Variants in ARL17A observed in about 807,000 individuals in gnomAD.
The protein encoded by ARL17A is ADP-ribosylation factor-like 17-like.
At chr17:46,533,541 G>A (rs1160972470) in intron 4 of ARL17A, among the ~76,000 whole-genome samples, 1 of 113,218 alleles carries the variant, frequency 8.8e-6, no homozygotes, top group South Asian at 2.6e-4. Flanking sequence ...TCACTCTGTT[G>A]CCCAGGCTAG....
downstream of ARL17A, among the ~76,000 whole-genome samples, chr17:46,516,155 T>C (rs1302488109): frequency 1.3e-5 from 2 of 149,772 alleles, no homozygotes; most frequent in Non-Finnish European, 2.9e-5. Context: ...AGAAAAAAAT[T>C]AGCCAGGCAT....
At position 46,542,122 on chromosome 17, in the gene ARL17A, T is replaced by TC. The variant is rs1174737911; in HGVS notation, c.260-3697dup. ...ACCTGGGCGACAGAGTGGGACTCTG[T>TC]CTAAAAAAAAAAGTAAGAAATAAAA... On this transcript the variant is annotated intron_variant, in intron 3 of 4. Coordinates refer to the ARL17A transcript ENST00000329240. 1.6e-4 allele frequency among the ~76,000 whole-genome samples: 22 copies of TC among 140,354 alleles called. 1 individual carries two copies. The East Asian group carries it at 4.2e-3, about 26-fold the overall frequency. 92.1% of individuals were successfully genotyped at this position (140,354 alleles called of 152,430 possible). A position where few individuals can be genotyped will look rare whatever the true frequency, so the allele number is the denominator to read the frequency against.
Position 46,552,893 on chromosome 17 carries a change from A to T in ARL17A, c.*4463T>A, listed in dbSNP as rs2056927910. On this transcript the variant is annotated 3_prime_UTR_variant, in exon 4 of 4. Coordinates refer to ENST00000336125, the MANE Select transcript of ARL17A (RefSeq NM_001113738.2). ...TAGTGAGACCTTGTCTTTATTAAAA[A>T]TTAAAAAAAAAAATAGCCAGGTGTG... Among the ~76,000 whole-genome samples, 2 of 145,668 alleles carry T rather than the reference A, an allele frequency of 1.4e-5. No homozygotes were observed. Among genetic ancestry groups the T allele is most frequent in the East Asian group, 4.0e-4 (2 of 4,972 alleles).
At chr17:46,500,701 C>G in the ARL17A span, among the ~76,000 whole-genome samples, 1 of 150,960 alleles carries the variant, frequency 6.6e-6, no homozygotes, top group African/African-American at 2.5e-5. Flanking sequence ...TTGTTTTTTT[C>G]TTTTTTTTCC....
At chr17:46,551,490 CTGTG>C (rs1172287330), downstream of ARL17A, among the ~76,000 whole-genome samples, 13 of 146,022 alleles carry the variant, frequency 8.9e-5, no homozygotes, top group East Asian at 1.2e-3. Context: ...CTGCTTTTGT[CTGTG>C]TGTTTGTCCA....
At position 46,520,931 on chromosome 17, in the gene ARL17A, G is replaced by A. The variant is rs375693748; in HGVS notation, c.260-3698C>T. ...AATTAACATTTAAATATTAAAAATA[G>A]CTGAATTATATCAATATTATCATCA... On this transcript the variant is annotated intron_variant, in intron 3 of 4. Transcript: ENST00000445552. 5.0e-5 allele frequency among the ~76,000 whole-genome samples: 4 copies of A among 80,556 alleles called. 1 individual carries two copies. In the East Asian group the frequency reaches 9.7e-4, roughly 19 times the overall value. 52.8% of individuals were successfully genotyped at this position (80,556 alleles called of 152,430 possible).
the ARL17A span, among the ~76,000 whole-genome samples, chr17:46,502,293 T>C: frequency 1.3e-5 from 2 of 151,100 alleles, no homozygotes; most frequent in East Asian, 1.9e-4. Context: ...CCCACTGTTA[T>C]CTAGTTTAAG....
chr17:46,551,104 C>T (rs1348660542), downstream of ARL17A, among the ~76,000 whole-genome samples: 5 of 149,964 alleles, frequency 3.3e-5, no homozygotes, highest in East Asian at 9.7e-4. Flanking sequence ...CATACTCTAG[C>T]CCTCCTGAGC....
downstream of ARL17A, chr17:46,549,111 T>C (rs2056531480): frequency 1.9e-6 from 3 of 1,610,562 alleles, no homozygotes; most frequent in African/African-American, 4.1e-5. Flanking sequence ...TCAAAAAGAG[T>C]CCAAAGGTCA....
chr17:46,537,077 ATTTTTTTTTTTTTTTTT>A (rs766255014), intron 4 of ARL17A, among the ~76,000 whole-genome samples: 4 of 34,830 alleles, frequency 1.1e-4, no homozygotes, highest in African/African-American at 5.9e-4. Context: ...ATTGTGGTCA[ATTTTTTTTTTTTTTTTT>A]TTTTTTTTTT....
chr17:46,548,040 C>A, downstream of ARL17A: 2 of 74,620 alleles, frequency 2.7e-5, no homozygotes, highest in East Asian at 5.6e-4. Context: ...GGGCAATTGG[C>A]CTCTGGGGAT....
chr17:46,529,677 TA>T (rs1340818623), intron 4 of ARL17A, among the ~76,000 whole-genome samples: 4 of 73,128 alleles, frequency 5.5e-5, no homozygotes, highest in Non-Finnish European at 1.1e-4. Context: ...GAAACATAAA[TA>T]TAAATAAATA....
rs2057070465 is a variant in ARL17A at position 46,553,800 on chromosome 17, C to T, written c.*3556G>A. The T allele has an allele frequency of 3.6e-6, 1 of 276,334 alleles. No homozygotes were observed. Among genetic ancestry groups the T allele is most frequent in the Non-Finnish European group, 5.2e-6 (1 of 193,990 alleles). The allele number at this position is 276,334 out of a possible 1,614,324, so 17.1% of individuals were successfully genotyped here. A position where few individuals can be genotyped will look rare whatever the true frequency, so the allele number is the denominator to read the frequency against. ...CTGAGCTGGATGGAACTAACAAGGA[C>T]ACACCTGCTGTCCCCAGCCCTTTCG... On this transcript the variant is annotated 3_prime_UTR_variant, in exon 4 of 4. Transcript: ENST00000336125.
chr17:46,535,010 T>G (rs998037201), intron 4 of ARL17A, among the ~76,000 whole-genome samples: 2 of 149,524 alleles, frequency 1.3e-5, no homozygotes, highest in African/African-American at 5.1e-5. Context: ...CCAGACAGGG[T>G]CGCGGCCGGG....
At chr17:46,500,485 C>T in the ARL17A span, among the ~76,000 whole-genome samples, 4 of 149,662 alleles carry the variant, frequency 2.7e-5, no homozygotes, top group Admixed American at 2.7e-4. Flanking sequence ...AAACAATTTA[C>T]CAGATGATTT....
intron 3 of ARL17A, chr17:46,540,265 CTCATG>C: frequency 3.4e-6 from 5 of 1,486,908 alleles, no homozygotes; most frequent in Non-Finnish European, 4.5e-6. Flanking sequence ...CTATAGTACT[CTCATG>C]AGTCAAGAGA....
intron 2 of ARL17A, among the ~76,000 whole-genome samples, chr17:46,574,783 T>C (rs1430888298): frequency 4.4e-5 from 1 of 22,914 alleles, no homozygotes; most frequent in African/African-American, 2.0e-4. Flanking sequence ...ATCGATGCAA[T>C]CTCTGCAGCT....
At chr17:46,502,966 A>T in the ARL17A span, among the ~76,000 whole-genome samples, 2 of 150,592 alleles carry the variant, frequency 1.3e-5, no homozygotes, top group African/African-American at 5.0e-5. Context: ...TAATCCCAGC[A>T]CTTTGGGAGG....
the ARL17A span, among the ~76,000 whole-genome samples, chr17:46,502,521 C>T: frequency 1.8e-3 from 275 of 150,916 alleles, 5 homozygotes; most frequent in Non-Finnish European, 2.7e-3. Flanking sequence ...AGGCTGGTCT[C>T]GAACTCCTGA....
Sources: gnomAD v4.1 joint callset for allele counts (sites outside exome capture counted in the v4.1 genomes callset) on GRCh38, gnomAD v4.1.1 for gene constraint, MANE v1.5 for transcripts, NCBI Gene and HGNC (gene_info 2026-07-23, HGNC 2026-07-21) for gene names.